Variants in BEAN1 observed in about 807,000 individuals in gnomAD.
BEAN1 encodes the protein brain expressed associated with NEDD4 1, also known as protein BEAN1.
BEAN1 carries 17 observed loss-of-function variants against 17.7 expected under a neutral mutation model. That is an observed-to-expected ratio of 0.96 (90% CI 0.66 to 1.44). The LOEUF (loss-of-function observed/expected upper bound fraction) is 1.44. BEAN1 is among the 40% of genes most tolerant of loss of function. BEAN1 has a pLI of 0.00. For missense variants in BEAN1, 359 were observed against 374.1 expected, an observed-to-expected ratio of 0.96 and a Z score of 0.33; for synonymous variants, 142 against 151.8, an observed-to-expected ratio of 0.94 and a Z score of 0.47.
At chr16:66,462,033 T>C (rs1963106890) in intron 2 of BEAN1, among the ~76,000 whole-genome samples, 1 of 152,222 alleles carries the variant, frequency 6.6e-6, no homozygotes, top group Non-Finnish European at 1.5e-5. Flanking sequence ...AGAAGGATGC[T>C]GAGTCTGCCT....
At chr16:66,436,265 T>C (rs1962011199) in intron 1 of BEAN1, among the ~76,000 whole-genome samples, 1 of 140,420 alleles carries the variant, frequency 7.1e-6, no homozygotes, top group African/African-American at 2.5e-5. Context: ...TTTTTTCTTT[T>C]CTTTTTTTTT....
intron 4 of BEAN1, 62 bp downstream of exon 4, chr16:66,477,772 C>G: frequency 7.0e-7 from 1 of 1,422,470 alleles, no homozygotes; most frequent in South Asian, 1.5e-5. Flanking sequence ...AAAGACCCCC[C>G]AACTCCATCA....
In BEAN1 at chr16:66,444,528, C is replaced by G. The variant is rs551234947; in HGVS notation, c.25+6827C>G. Among the ~76,000 whole-genome samples, 68 of 152,272 alleles carry G rather than the reference C, an allele frequency of 4.5e-4. No homozygotes were observed. The South Asian group carries it at 0.014, about 31-fold the overall frequency. The stretch of plus-strand genomic sequence containing the variant: ...GAGAGAGTGGGTGGCAAAGACCTAA[C>G]CCATCTGTGAAATTTGCAATTGTTG... On this transcript the variant is annotated intron_variant, in intron 2 of 4. Coordinates refer to ENST00000536005, the MANE Select transcript of BEAN1 (RefSeq NM_001178020.3).
chr16:66,464,200 A>G (rs536682709), intron 2 of BEAN1, among the ~76,000 whole-genome samples: 2 of 152,340 alleles, frequency 1.3e-5, no homozygotes, highest in South Asian at 4.1e-4. Flanking sequence ...CATTGTGTTG[A>G]ATCTTCAGAT....
chr16:66,460,424 C>A (rs146034039), intron 2 of BEAN1, among the ~76,000 whole-genome samples: 1 of 152,172 alleles, frequency 6.6e-6, no homozygotes, highest in Non-Finnish European at 1.5e-5. Flanking sequence ...TAAAATCACC[C>A]AAGGGTCCCT....
At chr16:66,486,636 C>T (rs1482162945), downstream of BEAN1, among the ~76,000 whole-genome samples, 1 of 152,202 alleles carries the variant, frequency 6.6e-6, no homozygotes, top group Non-Finnish European at 1.5e-5. Context: ...TCTCCCCTCC[C>T]TGCCTGCCAC....
At position 66,462,924 on chromosome 16, in the gene BEAN1, G is replaced by A. The variant is rs547860360; in HGVS notation, c.26-6678G>A. Among the ~76,000 whole-genome samples the A allele has an allele frequency of 3.8e-4, 58 of 152,274 alleles. 1 individual carries two copies. The South Asian group carries it at 0.012, about 31-fold the overall frequency. ...AAGTAAACAAATAAATAAGCAGGAT[G>A]TTTAGGGATTGTGATGACTGCTGTT... is the stretch of plus-strand genomic sequence containing the variant. On this transcript the variant is annotated intron_variant, in intron 2 of 4. Transcript: ENST00000536005.
At chr16:66,490,246 A>G (rs926542191) in intron 4 of BEAN1, among the ~76,000 whole-genome samples, 1 of 139,740 alleles carries the variant, frequency 7.2e-6, no homozygotes, top group African/African-American at 2.9e-5. Context: ...AAAAAAAAAA[A>G]ATTAGCCAGG....
chr16:66,463,174 GCTGGAT>G (rs1251412583), intron 2 of BEAN1, among the ~76,000 whole-genome samples: 1 of 152,212 alleles, frequency 6.6e-6, no homozygotes, highest in Non-Finnish European at 1.5e-5. Flanking sequence ...GAGTGCAAGT[GCTGGAT>G]CATGTGATAA....
In BEAN1 at chr16:66,469,455, G is replaced by A. The variant is rs1963381315; in HGVS notation, c.26-147G>A. 5.0e-6 allele frequency: 5 copies of A among 999,596 alleles called. 1 individual carries two copies. In the South Asian group the frequency reaches 8.5e-5, roughly 17 times the overall value. 61.9% of individuals were successfully genotyped at this position (999,596 alleles called of 1,614,324 possible). The stretch of plus-strand genomic sequence containing the variant: ...AGGTGCTGCTCTCCTTCTCCCCCAG[G>A]AGCAGCCAGGATAGAGTCCGTGGGC... On this transcript the variant is annotated intron_variant, in intron 2 of 4. Transcript: ENST00000536005.
At chr16:66,429,568 A>T (rs1318429475) in intron 1 of BEAN1, among the ~76,000 whole-genome samples, 1 of 152,188 alleles carries the variant, frequency 6.6e-6, no homozygotes, top group Non-Finnish European at 1.5e-5. Context: ...TGCCCAGAAC[A>T]GGGATGGGGG....
intron 2 of BEAN1, among the ~76,000 whole-genome samples, chr16:66,441,867 A>G (rs1962272329): frequency 6.6e-6 from 1 of 152,032 alleles, no homozygotes; most frequent in African/African-American, 2.4e-5. Context: ...CCTCCTAGGC[A>G]CTGCTCACAC....
chr16:66,433,828 G>A (rs1961901919), intron 1 of BEAN1, among the ~76,000 whole-genome samples: 1 of 152,180 alleles, frequency 6.6e-6, no homozygotes, highest in African/African-American at 2.4e-5. Flanking sequence ...CCCATGGTGT[G>A]AGGCTGGCCG....
At chr16:66,437,770 A>G (rs1461669047) in intron 2 of BEAN1, 69 bp downstream of exon 2, 3 of 1,483,176 alleles carry the variant, frequency 2.0e-6, no homozygotes, top group Non-Finnish European at 2.7e-6. Context: ...GTCGAGCTGC[A>G]GAGAACGGCT....
At position 66,443,610 on chromosome 16, in the gene BEAN1, C is replaced by A. The variant is rs557663053; in HGVS notation, c.25+5909C>A. On this transcript the variant is annotated intron_variant, in intron 2 of 4. Transcript: ENST00000536005. ...CCCTCCTCACAGTTCTCTGGTCTAG[C>A]ACAAAGTCTGACCCTAGTGAGTACT... 1.1e-4 allele frequency among the ~76,000 whole-genome samples: 17 copies of A among 152,322 alleles called. No homozygotes were observed. In the South Asian group the frequency reaches 3.3e-3, roughly 30 times the overall value.
chr16:66,481,043 CAA>C lies in BEAN1; in HGVS notation c.*120_*121del. Reference sequence around the variant, plus strand: ...CGTGACTCATAACACACACATAGACCAAACTTGTATACACACAGACATCTACA... The same window carrying C: ...CGTGACTCATAACACACACATAGACCACTTGTATACACACAGACATCTACA... On this transcript the variant is annotated 3_prime_UTR_variant, in exon 5 of 5. Coordinates refer to ENST00000536005, the MANE Select transcript of BEAN1 (RefSeq NM_001178020.3). This position sits in a 1 kb window ranked among gnomAD's most constrained non-coding sequence, Gnocchi z 4.1. The C allele has an allele frequency of 1.3e-6, 1 of 798,800 alleles. No individual in the cohort carries two copies. Among genetic ancestry groups the C allele is most frequent in the Admixed American group, 3.6e-5 (1 of 28,110 alleles). The allele number at this position is 798,800 out of a possible 1,614,324, so 49.5% of individuals were successfully genotyped here. A position where few individuals can be genotyped will look rare whatever the true frequency, so the allele number is the denominator to read the frequency against.
rs34867737 is a variant in BEAN1 at position 66,453,342 on chromosome 16, T to TACACACACAC, written c.25+15659_25+15668dup. ...TGTTGTGTTTTTTTTCATTCTGTTATACACACACACACACACACACACACA... is the reference window on the plus strand; with the variant it reads ...TGTTGTGTTTTTTTTCATTCTGTTATACACACACACACACACACACACACACACACACACA... On this transcript the variant is annotated intron_variant, in intron 2 of 4. Transcript: ENST00000536005. 1.5e-3 allele frequency among the ~76,000 whole-genome samples: 220 copies of TACACACACAC among 147,728 alleles called. 1 individual carries two copies. Among genetic ancestry groups the TACACACACAC allele is most frequent in the Middle Eastern group, 3.5e-3 (1 of 284 alleles).
At chr16:66,443,519 TGC>T in intron 2 of BEAN1, among the ~76,000 whole-genome samples, 1 of 152,274 alleles carries the variant, frequency 6.6e-6, no homozygotes, top group East Asian at 1.9e-4. Flanking sequence ...ACTCCTTCAT[TGC>T]CACAGCAGGG....
Position 66,434,933 on chromosome 16 carries a change from G to A in BEAN1, c.-82-2662G>A, listed in dbSNP as rs536990066. ...CCACACTGACCCTCCATGCCCTCGA[G>A]GAGCTACTGGTCTAGAATAATTTAG... On this transcript the variant is annotated intron_variant, in intron 1 of 4. Coordinates refer to ENST00000536005, the MANE Select transcript of BEAN1 (RefSeq NM_001178020.3). This position sits in a 1 kb window ranked among gnomAD's most constrained non-coding sequence, Gnocchi z 4.3. Among the ~76,000 whole-genome samples the A allele has an allele frequency of 6.6e-6, 1 of 152,236 alleles. No homozygotes were observed. The highest frequency in any genetic ancestry group is 2.4e-5 in the African/African-American group (1 of 41,546).
Sources: gnomAD v4.1 joint callset for allele counts (sites outside exome capture counted in the v4.1 genomes callset) on GRCh38, gnomAD v4.1.1 for gene constraint, Gnocchi (gnomAD v3.1) non-coding constraint, MANE v1.5 for transcripts, NCBI Gene and HGNC (gene_info 2026-07-23, HGNC 2026-07-21) for gene names.